The following DHRS7B variants were observed in gnomAD, a reference collection of about 807,000 sequenced individuals.
DHRS7B encodes the protein peroxisomal reductase activating PPAR-gamma.
Under a neutral mutation model 26.4 loss-of-function variants are expected in DHRS7B, and 24 were observed. That is an observed-to-expected ratio of 0.91 (90% CI 0.66 to 1.28). The LOEUF is 1.28. Among genes scored for constraint, DHRS7B ranks in the 50% most tolerant of loss-of-function variants. The probability of loss-of-function intolerance (pLI) is 0.00; values close to 1 mark genes in which losing one functional copy is unlikely to be tolerated. For synonymous variants in DHRS7B, 142 were observed against 166.4 expected (o/e 0.85, Z 1.13); for missense variants, 368 against 419.4 (o/e 0.88, Z 1.07).
intron 5 of DHRS7B, among the ~76,000 whole-genome samples, chr17:21,186,769 C>T (rs9911448): frequency 0.063 from 9,572 of 152,254 alleles, 444 homozygotes; most frequent in African/African-American, 0.14. Context: ...CACCTTTTAC[C>T]GGGTTGTGAA....
intron 5 of DHRS7B, among the ~76,000 whole-genome samples, chr17:21,188,053 T>G (rs1055172507): frequency 3.0e-4 from 45 of 152,174 alleles, no homozygotes; most frequent in Middle Eastern, 3.4e-3. Flanking sequence ...GGTTTCATCG[T>G]GTTAGCTAGG....
At chr17:21,155,824 C>T (rs958942199) in intron 1 of DHRS7B, among the ~76,000 whole-genome samples, 25 of 152,098 alleles carry the variant, frequency 1.6e-4, no homozygotes, top group African/African-American at 5.6e-4. Flanking sequence ...AACTGGAAAT[C>T]CCCCAAATAG....
chr17:21,151,242 C>A (rs1400088319), intron 1 of DHRS7B, among the ~76,000 whole-genome samples: 1 of 152,100 alleles, frequency 6.6e-6, no homozygotes, highest in African/African-American at 2.4e-5. Context: ...TGCGGTGGCT[C>A]ACGCCTGTAA....
chr17:21,156,161 A>C (rs532804501), intron 1 of DHRS7B, among the ~76,000 whole-genome samples: 60 of 152,330 alleles, frequency 3.9e-4, no homozygotes, highest in Middle Eastern at 6.8e-3. Flanking sequence ...GAAAACCAAC[A>C]AAACTAAAAG....
At chr17:21,165,995 A>G (rs534435853) in intron 1 of DHRS7B, among the ~76,000 whole-genome samples, 3 of 152,052 alleles carry the variant, frequency 2.0e-5, no homozygotes, top group South Asian at 4.2e-4. Context: ...TAAGTGCTAT[A>G]ATTGATAAGG....
intron 5 of DHRS7B, 142 bp from the exon 6 acceptor site, chr17:21,188,569 C>A: frequency 1.0e-6 from 1 of 973,934 alleles, no homozygotes; most frequent in Non-Finnish European, 1.5e-6. Flanking sequence ...GAGCTGGAGT[C>A]CAGCCTAAGC....
chr17:21,138,099 T>TACACACACACACAC lies in DHRS7B; in HGVS notation c.20+11109_20+11110insCACACACACACACA, dbSNP rs1449609485. On this transcript the variant is annotated intron_variant, in intron 1 of 6. Transcript: ENST00000395511. ...AAATATATATATATATATATATATA[T>TACACACACACACAC]ATACACACACACACACACACACACA... Among the ~76,000 whole-genome samples, 336 of 87,634 alleles carry TACACACACACACAC rather than the reference T, an allele frequency of 3.8e-3. 1 individual carries two copies. Among genetic ancestry groups the TACACACACACACAC allele is most frequent in the Middle Eastern group, 7.2e-3 (1 of 138 alleles). The allele number at this position is 87,634 out of a possible 152,430, so 57.5% of individuals were successfully genotyped here.
At position 21,180,548 on chromosome 17, in the gene DHRS7B, A is replaced by G. The variant is rs116722742; in HGVS notation, c.309+2206A>G. ...TGAATGGGCATCCTTACAAAAATCA[A>G]TTGATTACATATTTGAAGTGTCTAT... On this transcript the variant is annotated intron_variant, in intron 3 of 6. Transcript: ENST00000395511. 8.6e-3 allele frequency among the ~76,000 whole-genome samples: 1,302 copies of G among 152,268 alleles called. 22 individuals are homozygous for G. The highest frequency in any genetic ancestry group is 0.029 in the African/African-American group (1,220 of 41,544).
chr17:21,127,695 A>G (rs1973131175), intron 1 of DHRS7B: 1 of 152,300 alleles, frequency 6.6e-6, no homozygotes, highest in African/African-American at 2.4e-5. Flanking sequence ...TGTCTGGCAC[A>G]TAGTAGGTAT....
chr17:21,138,655 T>C (rs1417608684), intron 1 of DHRS7B, among the ~76,000 whole-genome samples: 2 of 152,214 alleles, frequency 1.3e-5, no homozygotes, highest in African/African-American at 4.8e-5. Flanking sequence ...TTTTTAAAAC[T>C]TTCTTTACAT....
At chr17:21,138,085 T>TAC (rs1567616058) in intron 1 of DHRS7B, among the ~76,000 whole-genome samples, 4 of 65,142 alleles carry the variant, frequency 6.1e-5, no homozygotes, top group African/African-American at 2.3e-4. Flanking sequence ...AATATATATA[T>TAC]ATATATATAT....
chr17:21,139,442 G>A (rs1394045493), intron 1 of DHRS7B, among the ~76,000 whole-genome samples: 2 of 152,262 alleles, frequency 1.3e-5, no homozygotes, highest in South Asian at 4.1e-4. Flanking sequence ...TTGGGAGGCT[G>A]AGGCAGGCAG....
intron 3 of DHRS7B, among the ~76,000 whole-genome samples, chr17:21,182,584 C>T (rs966764839): frequency 4.0e-5 from 6 of 151,584 alleles, no homozygotes; most frequent in East Asian, 3.9e-4. Flanking sequence ...GACAGGGTCT[C>T]GCCATGTTGC....
chr17:21,156,773 C>T (rs8077216), intron 1 of DHRS7B, among the ~76,000 whole-genome samples: 2,976 of 151,592 alleles, frequency 0.02, 115 homozygotes, highest in African/African-American at 0.068. Context: ...ATTAGTTGGA[C>T]GTGGTGGCAT....
At chr17:21,144,412 A>G (rs1340201782) in intron 1 of DHRS7B, among the ~76,000 whole-genome samples, 2 of 152,218 alleles carry the variant, frequency 1.3e-5, no homozygotes, top group South Asian at 2.1e-4. Context: ...CTATAAAACT[A>G]ACAAGCATTT....
chr17:21,161,444 A>G (rs1281355741), intron 1 of DHRS7B, among the ~76,000 whole-genome samples: 2 of 152,222 alleles, frequency 1.3e-5, no homozygotes, highest in Non-Finnish European at 2.9e-5. Flanking sequence ...TGTATCTAAA[A>G]CTATCCTTCA....
intron 3 of DHRS7B, 96 bp downstream of exon 3, chr17:21,178,438 A>G: frequency 9.9e-7 from 1 of 1,010,608 alleles, no homozygotes; most frequent in Non-Finnish European, 1.5e-6. Context: ...GCTGAGCTGT[A>G]GGACATCCAT....
chr17:21,159,542 ACCGCACC>A lies in DHRS7B; in HGVS notation c.21-12474_21-12468del, dbSNP rs1973954933. ...AATGTTGGGATTACAGGCGTGAGCC[ACCGCACC>A]CGGCCAATATTTTCGAAAGACACAT... On this transcript the variant is annotated intron_variant, in intron 1 of 6. Transcript: ENST00000395511. Among the ~76,000 whole-genome samples the A allele has an allele frequency of 3.3e-5, 5 of 151,970 alleles. No individual in the cohort carries two copies. The South Asian group carries it at 1.0e-3, about 32-fold the overall frequency.
At chr17:21,149,475 AAT>A (rs1447815630) in intron 1 of DHRS7B, among the ~76,000 whole-genome samples, 1 of 152,226 alleles carries the variant, frequency 6.6e-6, no homozygotes, top group Non-Finnish European at 1.5e-5. Context: ...CTAATACTGT[AAT>A]TGTGGTGTTC....
Sources: allele counts gnomAD v4.1 joint callset (sites outside exome capture counted in the v4.1 genomes callset), GRCh38; gene constraint gnomAD v4.1.1; transcripts MANE v1.5; gene names NCBI Gene and HGNC (gene_info 2026-07-23, HGNC 2026-07-21).